Variants in FRMD4B observed in about 807,000 individuals in gnomAD.
FRMD4B encodes the protein FERM domain containing 4B, also known as FERM domain-containing protein 4B.
In FRMD4B, 74 loss-of-function variants were observed where a neutral mutation model predicts 141.5. The ratio of observed to expected loss-of-function variants is 0.52; its 90% CI spans 0.43 to 0.63. The LOEUF (loss-of-function observed/expected upper bound fraction) is 0.63, where lower values mean the gene tolerates loss of function less well. Ranked by LOEUF, FRMD4B falls within the 30% of genes least tolerant of loss-of-function variation. The pLI, the probability that FRMD4B is intolerant of heterozygous loss-of-function variation, is 0.00. For synonymous variants in FRMD4B, 506 were observed against 467.9 expected, an observed-to-expected ratio of 1.08 and a Z score of -1.05; for missense variants, 1,366 against 1,253.4, an observed-to-expected ratio of 1.09 and a Z score of -1.36.
intron 11 of FRMD4B, 119 bp downstream of exon 11, chr3:69,216,144 A>C: frequency 1.9e-6 from 1 of 531,288 alleles, no homozygotes; most frequent in Non-Finnish European, 3.4e-6. Context: ...ACAAAGTGAG[A>C]CTCCATCTCA....
chr3:69,246,704 T>A (rs767269762), intron 7 of FRMD4B, among the ~76,000 whole-genome samples: 1 of 152,174 alleles, frequency 6.6e-6, no homozygotes, highest in Non-Finnish European at 1.5e-5. Context: ...ATGTTGCCAG[T>A]CTGCGTGATT....
chr3:69,283,694 C>T (rs1315717611), intron 5 of FRMD4B, among the ~76,000 whole-genome samples: 2 of 152,156 alleles, frequency 1.3e-5, no homozygotes, highest in South Asian at 2.1e-4. Context: ...GAGAGGATAG[C>T]CAACTGTGGT....
intron 1 of FRMD4B, among the ~76,000 whole-genome samples, chr3:69,532,882 G>C (rs1256425973): frequency 6.6e-6 from 1 of 152,228 alleles, no homozygotes; most frequent in Non-Finnish European, 1.5e-5. Context: ...CTAGAAGATG[G>C]ATGCTGGTAT....
intron 1 of FRMD4B, among the ~76,000 whole-genome samples, chr3:69,520,776 T>A (rs376779261): frequency 6.6e-6 from 1 of 152,218 alleles, no homozygotes; most frequent in African/African-American, 2.4e-5. Context: ...CTCCTTGAGA[T>A]CTCTTCCCAG....
intron 1 of FRMD4B, among the ~76,000 whole-genome samples, chr3:69,329,516 A>ATT (rs10554375): frequency 0.081 from 4,481 of 55,492 alleles, 969 homozygotes; most frequent in Non-Finnish European, 0.094. Flanking sequence ...TGCCCAGCTA[A>ATT]TTTTTTTTTT....
chr3:69,472,919 GTC>G (rs1418748101), intron 1 of FRMD4B, among the ~76,000 whole-genome samples: 1 of 113,012 alleles, frequency 8.8e-6, no homozygotes, highest in Non-Finnish European at 1.9e-5. Context: ...CTTCAAGTGA[GTC>G]TTTCTTTTTT....
chr3:69,454,101 T>C (rs992090281), intron 1 of FRMD4B, among the ~76,000 whole-genome samples: 2 of 152,186 alleles, frequency 1.3e-5, no homozygotes, highest in African/African-American at 4.8e-5. Flanking sequence ...CAGAACACAT[T>C]CTCCTGCTGT....
chr3:69,317,080 C>CA (rs11461498), intron 1 of FRMD4B, among the ~76,000 whole-genome samples: 52,662 of 150,328 alleles, frequency 0.35, 10,266 homozygotes, highest in African/African-American at 0.54. Flanking sequence ...AACTCCGCCT[C>CA]AAAAAAAAAA....
At chr3:69,437,999 T>G (rs1463650393) in intron 1 of FRMD4B, among the ~76,000 whole-genome samples, 2 of 140,814 alleles carry the variant, frequency 1.4e-5, no homozygotes, top group Non-Finnish European at 3.0e-5. Flanking sequence ...TAAAAGTATA[T>G]ATAATACTGT....
At chr3:69,286,067 A>G (rs1700680068) in intron 5 of FRMD4B, among the ~76,000 whole-genome samples, 2 of 152,182 alleles carry the variant, frequency 1.3e-5, no homozygotes, top group South Asian at 4.1e-4. Flanking sequence ...ATTATCTTCT[A>G]AAACCAAAGG....
At chr3:69,221,635 C>T (rs1184504337) in intron 9 of FRMD4B, among the ~76,000 whole-genome samples, 1 of 152,178 alleles carries the variant, frequency 6.6e-6, no homozygotes, top group East Asian at 1.9e-4. Context: ...TGCCCTACAT[C>T]TGGTCTACAT....
intron 1 of FRMD4B, among the ~76,000 whole-genome samples, chr3:69,456,652 GTC>G (rs771680450): frequency 2.0e-5 from 3 of 150,218 alleles, no homozygotes; most frequent in Non-Finnish European, 2.9e-5. Flanking sequence ...ATACACCACT[GTC>G]TATGAGCTGG....
At chr3:69,533,209 A>G (rs1423016508) in intron 1 of FRMD4B, among the ~76,000 whole-genome samples, 1 of 152,232 alleles carries the variant, frequency 6.6e-6, no homozygotes, top group Non-Finnish European at 1.5e-5. Context: ...CATTTGGAAC[A>G]AGATGAACCA....
At chr3:69,408,349 A>C (rs1321176931) in intron 2 of FRMD4B, among the ~76,000 whole-genome samples, 1 of 152,214 alleles carries the variant, frequency 6.6e-6, no homozygotes, top group East Asian at 1.9e-4. Context: ...TGCAACCAAG[A>C]GGCTGCTGCC....
intron 13 of FRMD4B, chr3:69,196,652 C>T (rs1381918015): frequency 6.6e-5 from 38 of 575,150 alleles, no homozygotes; most frequent in Non-Finnish European, 1.1e-4. Context: ...GCAACATCAC[C>T]GCCAGCAGTG....
chr3:69,531,786 A>G (rs578179918), intron 1 of FRMD4B, among the ~76,000 whole-genome samples: 1 of 152,358 alleles, frequency 6.6e-6, no homozygotes, highest in Non-Finnish European at 1.5e-5. Flanking sequence ...TCAGTGCTAG[A>G]AAGTACAATG....
chr3:69,512,288 G>T (rs1706702685), intron 1 of FRMD4B, among the ~76,000 whole-genome samples: 1 of 152,078 alleles, frequency 6.6e-6, no homozygotes, highest in Non-Finnish European at 1.5e-5. Context: ...TTACTTATTT[G>T]GTTTTAATAT....
At chr3:69,359,266 G>A (rs1271461109) in intron 1 of FRMD4B, among the ~76,000 whole-genome samples, 1 of 152,174 alleles carries the variant, frequency 6.6e-6, no homozygotes, top group Non-Finnish European at 1.5e-5. Context: ...TGGGGAGAGT[G>A]AGCTCCTGGA....
intron 1 of FRMD4B, among the ~76,000 whole-genome samples, chr3:69,315,727 T>C (rs1701786158): frequency 6.6e-6 from 1 of 152,232 alleles, no homozygotes; most frequent in South Asian, 2.1e-4. Context: ...GAGAAACAGG[T>C]TGTTTCCAAT....
Sources: allele counts gnomAD v4.1 joint callset (sites outside exome capture counted in the v4.1 genomes callset), GRCh38; gene constraint gnomAD v4.1.1; transcripts MANE v1.5; gene names NCBI Gene and HGNC (gene_info 2026-07-23, HGNC 2026-07-21).